Variants in ZNF528 observed in about 807,000 individuals in gnomAD.
ZNF528 encodes the protein zinc finger protein 528.
Under a neutral mutation model 13.3 loss-of-function variants are expected in ZNF528, and 9 were observed. The observed-to-expected ratio is 0.67, with a 90% CI of 0.41 to 1.18. The LOEUF is 1.18. Among genes scored for constraint, ZNF528 ranks in the 50% most tolerant of loss-of-function variants. ZNF528 has a pLI of 0.01. For synonymous variants in ZNF528, 264 were observed against 254.3 expected (o/e 1.04, Z -0.36); for missense variants, 858 against 745.4 (o/e 1.15, Z -1.76).
In ZNF528 at chr19:52,401,988, G is replaced by C. The variant is rs2058800006; in HGVS notation, c.-26G>C. The C allele has an allele frequency of 6.2e-7, 1 of 1,613,946 alleles. No individual in the cohort carries two copies. Among genetic ancestry groups the C allele is most frequent in the South Asian group, 1.1e-5 (1 of 91,072 alleles). Reference sequence around the variant, plus strand: ...GACATATTATGCAAGGAAGCAACTTGGAAGAGGAAAGAAAAGAAGTCAGGA... The same window carrying C: ...GACATATTATGCAAGGAAGCAACTTCGAAGAGGAAAGAAAAGAAGTCAGGA... On this transcript the variant is annotated 5_prime_UTR_variant, in exon 4 of 7. Transcript: ENST00000360465.
chr19:52,412,077 T>A (rs1263441553), intron 6 of ZNF528: 1 of 152,230 alleles, frequency 6.6e-6, no homozygotes, highest in Non-Finnish European at 1.5e-5. Context: ...AAAATTTCTT[T>A]CCTTTAATTA....
chr19:52,417,230 TG>T lies in ZNF528; in HGVS notation c.*494del. On this transcript the variant is annotated 3_prime_UTR_variant, in exon 7 of 7. Coordinates refer to ENST00000360465, the MANE Select transcript of ZNF528 (RefSeq NM_032423.3). ...CATACAGGCCATTCACTGTGGTCCC[TG>T]GGAAAGAATCAGTAGGATGACAGGG... 3.4e-6 allele frequency: 1 copy of T among 296,844 alleles called. No homozygotes were observed. Among genetic ancestry groups the T allele is most frequent in the South Asian group, 3.1e-5 (1 of 32,624 alleles). The allele number at this position is 296,844 out of a possible 1,614,324, so 18.4% of individuals were successfully genotyped here. A position where few individuals can be genotyped will look rare whatever the true frequency, so the allele number is the denominator to read the frequency against.
intron 4 of ZNF528, among the ~76,000 whole-genome samples, chr19:52,403,967 C>A (rs1297070813): frequency 1.4e-5 from 1 of 71,992 alleles, no homozygotes; most frequent in African/African-American, 2.8e-5. Flanking sequence ...TATATATATG[C>A]AGATATAATG....
intron 6 of ZNF528, among the ~76,000 whole-genome samples, chr19:52,411,189 A>C (rs1306785055): frequency 6.6e-6 from 1 of 152,172 alleles, no homozygotes; most frequent in African/African-American, 2.4e-5. Flanking sequence ...TGCTCTTCCT[A>C]CAAAATGGTG....
chr19:52,414,324 TG>T (rs2058971153), intron 6 of ZNF528: 1 of 702,290 alleles, frequency 1.4e-6, no homozygotes, highest in Non-Finnish European at 2.6e-6. Context: ...GCACAGACCT[TG>T]GGGGACTGAA....
Position 52,416,802 on chromosome 19 carries a change from G to A in ZNF528, c.*63G>A. 1 of 1,473,008 alleles carries A rather than the reference G, an allele frequency of 6.8e-7. No homozygotes were observed. 91.2% of individuals were successfully genotyped at this position (1,473,008 alleles called of 1,614,324 possible). On this transcript the variant is annotated 3_prime_UTR_variant, in exon 7 of 7. Coordinates refer to ENST00000360465, the MANE Select transcript of ZNF528 (RefSeq NM_032423.3). ...AGTTCTAGCATTAATCAACATCAGT[G>A]AGTCCATACTAAGTGGAAATCATAT... is the stretch of plus-strand genomic sequence containing the variant.
rs918384055 is a variant in ZNF528, at chr19:52,418,236, C to T, written c.*1497C>T. 4.6e-5 allele frequency: 7 copies of T among 152,168 alleles called. No homozygotes were observed. The highest frequency in any genetic ancestry group is 1.4e-4 in the African/African-American group (6 of 41,430). 9.4% of individuals were successfully genotyped at this position (152,168 alleles called of 1,614,324 possible). On this transcript the variant is annotated 3_prime_UTR_variant, in exon 7 of 7. Coordinates refer to ENST00000360465, the MANE Select transcript of ZNF528 (RefSeq NM_032423.3). Reference sequence around the variant, plus strand: ...CTGACCTCAGGCGATCCATCTGCCTCAGCCTGAAAGTGCTAGGATTACAGG... The same window carrying T: ...CTGACCTCAGGCGATCCATCTGCCTTAGCCTGAAAGTGCTAGGATTACAGG...
In ZNF528 at chr19:52,415,175, A is replaced by G; in HGVS notation, c.323A>G (p.Gln108Arg). The G allele has an allele frequency of 3.7e-6, 6 of 1,611,012 alleles. No homozygotes were observed. Among genetic ancestry groups the G allele is most frequent in the Non-Finnish European group, 5.1e-6 (6 of 1,178,616 alleles). The change falls in exon 7 of 7, where the codon CAA becomes CGA. Residue 108 changes from glutamine (Q) to arginine (R), a missense_variant. Physicochemically the swap from Gln to Arg is conservative, Grantham distance 43 (BLOSUM62 1). Transcript: ENST00000360465. ...SNAGNKPCKN[Q>R]LGFTFQLHLS... is the part of the protein sequence containing the mutation. Reference sequence around the variant, plus strand: ...GCAGGAAACAAGCCTTGTAAAAATCAACTTGGATTCACTTTTCAGTTACAT... The same window carrying G: ...GCAGGAAACAAGCCTTGTAAAAATCGACTTGGATTCACTTTTCAGTTACAT...
intron 6 of ZNF528, chr19:52,414,247 T>C (rs1568429635): frequency 1.9e-5 from 13 of 702,510 alleles, no homozygotes; most frequent in Non-Finnish European, 3.4e-5. Context: ...GTCCTCAAAG[T>C]CCTATGTTCG....
chr19:52,416,309 T>G lies in ZNF528; in HGVS notation c.1457T>G (p.Ile486Ser). ...TCTTCTCTAACCAGTCATCATAGAATTCATACTGGAGAGAAGCCTTACAAA... is the reference window on the plus strand; with the variant it reads ...TCTTCTCTAACCAGTCATCATAGAAGTCATACTGGAGAGAAGCCTTACAAA... ...YKSSLTSHHR[I>S]HTGEKPYKCN... Residue 486 changes from isoleucine to serine, a missense_variant, in exon 7 of 7, where the codon ATT becomes AGT. Physicochemically the swap from Ile to Ser is moderately radical, Grantham distance 142. Coordinates refer to ENST00000360465, the MANE Select transcript of ZNF528 (RefSeq NM_032423.3). 10 of 1,614,088 alleles carry G rather than the reference T, an allele frequency of 6.2e-6. No individual in the cohort carries two copies. Among genetic ancestry groups the G allele is most frequent in the Non-Finnish European group, 7.6e-6 (9 of 1,179,994 alleles).
intron 6 of ZNF528, among the ~76,000 whole-genome samples, chr19:52,411,134 A>G (rs894893689): frequency 3.9e-5 from 6 of 152,114 alleles, no homozygotes; most frequent in Non-Finnish European, 7.4e-5. Context: ...CATCCATAAA[A>G]TGAATGATAT....
Position 52,405,939 on chromosome 19 carries a change from GTT to G in ZNF528, c.49_50del (p.Phe17LeufsTer25), listed in dbSNP as rs2058850416. On this transcript the variant is annotated frameshift_variant, in exon 5 of 7. Coordinates refer to ENST00000360465, the MANE Select transcript of ZNF528 (RefSeq NM_032423.3). LOFTEE classifies it high-confidence loss of function. Reference protein sequence around the residue: ...PLKFMDVAIEFSQEEWKCLDP... With the variant: ...PLKFMDVAIEXSQEEWKCLDP... ...TGAAATTCATGGATGTGGCCATAGA[GTT>G]CTCTCAGGAAGAGTGGAAATGCCTG... 3 of 1,611,746 alleles carry G rather than the reference GTT, an allele frequency of 1.9e-6. No homozygotes were observed. Among genetic ancestry groups the G allele is most frequent in the African/African-American group, 1.3e-5 (1 of 75,000 alleles).
At chr19:52,406,167 A>G in intron 5 of ZNF528, 134 bp downstream of exon 5, 2 of 1,192,308 alleles carry the variant, frequency 1.7e-6, no homozygotes, top group East Asian at 2.4e-5. Context: ...GAAAAACTGT[A>G]TTACACTTTC....
At chr19:52,401,887 A>G (rs1176659857) in intron 3 of ZNF528, 60 bp from the exon 4 acceptor site, 12 of 1,570,854 alleles carry the variant, frequency 7.6e-6, no homozygotes, top group South Asian at 2.3e-5. Flanking sequence ...GTGTGTGGCT[A>G]TGGCACAGGA....
intron 6 of ZNF528, chr19:52,412,888 A>G (rs536018394): frequency 3.4e-4 from 52 of 152,306 alleles, no homozygotes; most frequent in African/African-American, 1.0e-3. Context: ...TTGAAGAGCA[A>G]TGAAGCTCAG....
intron 1 of ZNF528, 58 bp from the exon 2 acceptor site, chr19:52,398,309 C>T (rs1477220027): frequency 6.6e-6 from 1 of 152,600 alleles, no homozygotes; most frequent in Non-Finnish European, 1.5e-5. Context: ...CAGACTCCAC[C>T]CCTCTCCTGA....
rs1450262186 is a variant in ZNF528 at position 52,401,766 on chromosome 19, C to G, written c.-68+13C>G. The G allele has an allele frequency of 6.9e-7, 1 of 1,441,894 alleles. No individual in the cohort carries two copies. The highest frequency in any genetic ancestry group is 1.2e-5 in the South Asian group (1 of 81,006). The allele number at this position is 1,441,894 out of a possible 1,614,324, so 89.3% of individuals were successfully genotyped here. On this transcript the variant is annotated intron_variant, in intron 3 of 6. Transcript: ENST00000360465. ...CTCAACAGACGAGGTACCTTAACCACATAATGGTTGATTTCCAAAATTATT... is the reference window on the plus strand; with the variant it reads ...CTCAACAGACGAGGTACCTTAACCAGATAATGGTTGATTTCCAAAATTATT...
chr19:52,402,984 G>A (rs1207163554), intron 4 of ZNF528, among the ~76,000 whole-genome samples: 2 of 152,136 alleles, frequency 1.3e-5, no homozygotes, highest in Non-Finnish European at 2.9e-5. Context: ...TGGACACCTA[G>A]TGAGATCCTG....
chr19:52,408,552 T>C (rs1445138362), intron 6 of ZNF528: 1 of 152,150 alleles, frequency 6.6e-6, no homozygotes, highest in Non-Finnish European at 1.5e-5. Context: ...TTTGATCATT[T>C]GTTGACCTTT....
Sources: gnomAD v4.1 joint callset for allele counts (sites outside exome capture counted in the v4.1 genomes callset) on GRCh38, gnomAD v4.1.1 for gene constraint, MANE v1.5 for transcripts, NCBI Gene and HGNC (gene_info 2026-07-23, HGNC 2026-07-21) for gene names.